The following CIT variants were observed in gnomAD, a reference collection of about 807,000 sequenced individuals.
The protein encoded by CIT is citron rho-interacting serine/threonine kinase.
Under a neutral mutation model 272.7 loss-of-function variants are expected in CIT, and 79 were observed. The observed-to-expected ratio is 0.29, with a 90% CI of 0.24 to 0.35. CIT has a LOEUF of 0.35. Ranked by LOEUF, CIT falls within the 10% of genes least tolerant of loss-of-function variation. The pLI, the probability that CIT is intolerant of heterozygous loss-of-function variation, is 1.00. For missense variants in CIT, 1,909 were observed against 2,618.3 expected, an observed-to-expected ratio of 0.73 and a Z score of 5.91; for synonymous variants, 948 against 995.6, an observed-to-expected ratio of 0.95 and a Z score of 0.90.
At chr12:119,803,147 T>G in intron 10 of CIT, 59 bp downstream of exon 10, 2 of 239,944 alleles carry the variant, frequency 8.3e-6, no homozygotes. Flanking sequence ...ACCACCACCT[T>G]TGGCTCCAAA....
chr12:119,876,114 G>A lies in CIT; in HGVS notation c.55C>T (p.Pro19Ser), dbSNP rs1002667563. 1.5e-5 allele frequency: 24 copies of A among 1,613,878 alleles called. No homozygotes were observed. Among genetic ancestry groups the A allele is most frequent in the Non-Finnish European group, 1.9e-5 (23 of 1,179,940 alleles). The change falls in exon 2 of 48, where the codon CCC (proline) becomes TCC (serine). Residue 19 changes from proline to serine, a missense_variant. By Grantham distance (74) the Pro-to-Ser change is moderately conservative (BLOSUM62 -1). This residue lies in a region of CIT where 529 missense variants were observed against 549.6 expected (regional missense o/e 0.96). Coordinates refer to ENST00000392521, the MANE Select transcript of CIT (RefSeq NM_001206999.2). ...AGCCTGGAGGCCCGGCTGGCAATGG[G>A]TTCAGCAGCACCAGCATCCAAAGGA... Reference protein sequence around the residue: ...RNPLDAGAAEPIASRASRLNL... With the variant: ...RNPLDAGAAESIASRASRLNL...
At chr12:119,735,843 G>A (rs1005182120) in intron 24 of CIT, among the ~76,000 whole-genome samples, 4 of 152,096 alleles carry the variant, frequency 2.6e-5, no homozygotes, top group African/African-American at 9.7e-5. Context: ...GACGCCAGGA[G>A]TTATTTCGAT....
rs201012524 is a variant in CIT at position 119,710,405 on chromosome 12, G to A, written c.4936-19C>T. The stretch of plus-strand genomic sequence containing the variant: ...ACACCACCTGCAAGGGCAGAAGTCC[G>A]AAGGCAGAACATAAGCACGGTCACG... On this transcript the variant is annotated intron_variant, in intron 38 of 47. Coordinates refer to ENST00000392521, the MANE Select transcript of CIT (RefSeq NM_001206999.2). This position sits in a 1 kb window ranked among gnomAD's most constrained non-coding sequence, Gnocchi z 5.6. 260 of 1,614,020 alleles carry A rather than the reference G, an allele frequency of 1.6e-4. No homozygotes were observed. In the African/African-American group the frequency reaches 2.4e-3, roughly 15 times the overall value.
At chr12:119,849,291 G>T (rs1023861264) in intron 5 of CIT, among the ~76,000 whole-genome samples, 1 of 152,108 alleles carries the variant, frequency 6.6e-6, no homozygotes, top group Admixed American at 6.5e-5. Context: ...GTTGGGCGTG[G>T]TGACACGTGC....
Position 119,857,533 on chromosome 12 carries a change from G to A in CIT, c.404C>T (p.Ala135Val). 1 of 1,613,998 alleles carries A rather than the reference G, an allele frequency of 6.2e-7. No homozygotes were observed. Among genetic ancestry groups the A allele is most frequent in the Non-Finnish European group, 8.5e-7 (1 of 1,179,966 alleles). The change falls in exon 4 of 48, where the codon GCC (alanine) becomes GTC (valine). Residue 135 changes from alanine to valine, a missense_variant. By Grantham distance (64) the Ala-to-Val change is moderately conservative. This residue lies in a region of CIT where 529 missense variants were observed against 549.6 expected (regional missense o/e 0.96). Transcript: ENST00000392521. ...TTAAAATCCTCCTACCTGCTCCTGG[G>A]CCAATAAAGCCTTCTTCTTCATCAC... ...MKVMKKKALL[A>V]QEQVSFFEEE...
intron 13 of CIT, 37 bp downstream of exon 13, chr12:119,782,481 C>A: frequency 6.2e-7 from 1 of 1,607,428 alleles, no homozygotes; most frequent in Non-Finnish European, 8.5e-7. Flanking sequence ...TCCAAGCAAG[C>A]CGAGATGCTG....
chr12:119,782,686 G>A, intron 12 of CIT, 49 bp from the exon 13 acceptor site: 1 of 1,606,614 alleles, frequency 6.2e-7, no homozygotes, highest in Non-Finnish European at 8.5e-7. Flanking sequence ...ATCCTGCTTT[G>A]TTTGAAAAGA....
Position 119,701,905 on chromosome 12 carries a change from G to A in CIT, c.5358C>T (p.Ile1786=), listed in dbSNP as rs1461028100. The A allele has an allele frequency of 8.1e-6, 13 of 1,614,076 alleles. No individual in the cohort carries two copies. Among genetic ancestry groups the A allele is most frequent in the Non-Finnish European group, 1.1e-5 (13 of 1,179,976 alleles). The change falls in exon 42 of 48, where the codon ATC becomes ATT. Residue 1786 remains isoleucine (I), a synonymous_variant. Transcript: ENST00000392521. ...CSCIHFTNYS[I]LIGTNKFYEI... is the part of the protein sequence containing the mutation. ...CGTAGAATTTATTGGTTCCAATGAG[G>A]ATACTGTAATTGGTGAAGTGGATAC...
intron 7 of CIT, among the ~76,000 whole-genome samples, chr12:119,831,738 G>A (rs1385964762): frequency 6.6e-6 from 1 of 152,116 alleles, no homozygotes; most frequent in Non-Finnish European, 1.5e-5. Context: ...GCATGGTGGC[G>A]GGCGCTTGCA....
chr12:119,755,009 G>A (rs1367840357), intron 22 of CIT, among the ~76,000 whole-genome samples: 1 of 152,160 alleles, frequency 6.6e-6, no homozygotes, highest in Non-Finnish European at 1.5e-5. Context: ...CCGTGATCTT[G>A]CTGTTAAACT....
chr12:119,767,256 A>G, intron 18 of CIT, 74 bp from the exon 19 acceptor site: 1 of 1,175,214 alleles, frequency 8.5e-7, no homozygotes. Flanking sequence ...CATTCACAGG[A>G]AACATGACTT....
At chr12:119,779,384 TAC>T (rs1235120726) in intron 13 of CIT, among the ~76,000 whole-genome samples, 1 of 152,166 alleles carries the variant, frequency 6.6e-6, no homozygotes, top group African/African-American at 2.4e-5. Flanking sequence ...AATTAAAAAT[TAC>T]ATTTTACAGT....
At chr12:119,762,053 A>G (rs976232015) in intron 19 of CIT, among the ~76,000 whole-genome samples, 3 of 152,238 alleles carry the variant, frequency 2.0e-5, no homozygotes, top group Non-Finnish European at 4.4e-5. Context: ...GATCCTGGGA[A>G]TAAAGCTGAA....
chr12:119,748,205 G>A (rs556529658), intron 23 of CIT, among the ~76,000 whole-genome samples: 1 of 152,230 alleles, frequency 6.6e-6, no homozygotes, highest in South Asian at 2.1e-4. Context: ...GGGAAACCCA[G>A]GAGTCCACAG....
At position 119,743,594 on chromosome 12, in the gene CIT, C is replaced by T. The variant is rs78804429; in HGVS notation, c.2905-1130G>A. 3.0e-3 allele frequency among the ~76,000 whole-genome samples: 461 copies of T among 152,212 alleles called. 1 individual carries two copies. The highest frequency in any genetic ancestry group is 6.8e-3 in the Middle Eastern group (2 of 294). On this transcript the variant is annotated intron_variant, in intron 23 of 47. Transcript: ENST00000392521. The stretch of plus-strand genomic sequence containing the variant: ...ATCAGAATGTGCCTTGAGGAGTAAA[C>T]ATGAGGTCTGTTATAGGAAACTTCT...
chr12:119,765,392 A>T lies in CIT; in HGVS notation c.2304+1695T>A, dbSNP rs1292153715. On this transcript the variant is annotated intron_variant, in intron 19 of 47. Transcript: ENST00000392521. ...TTATATATAATATAATATATATTAT[A>T]ATATATATTATATAACATATATATA... Among the ~76,000 whole-genome samples, 6 of 145,764 alleles carry T rather than the reference A, an allele frequency of 4.1e-5. No individual in the cohort carries two copies. In the East Asian group the frequency reaches 1.2e-3, roughly 28 times the overall value.
In CIT at chr12:119,768,485, TATAGG is replaced by T. The variant is rs1962719683; in HGVS notation, c.2209-1308_2209-1304del. Among the ~76,000 whole-genome samples the T allele has an allele frequency of 6.6e-6, 1 of 152,214 alleles. No homozygotes were observed. The stretch of plus-strand genomic sequence containing the variant: ...AGGGTTTTGAAGAATGAGGAAATTA[TATAGG>T]ATATGTTCATAAAATGGAGGTGAAA... On this transcript the variant is annotated intron_variant, in intron 18 of 47. Coordinates refer to ENST00000392521, the MANE Select transcript of CIT (RefSeq NM_001206999.2). The surrounding 1 kb of genome is among the most constrained non-coding windows in gnomAD (Gnocchi z 4.3).
chr12:119,777,203 C>T (rs4767843), intron 13 of CIT, among the ~76,000 whole-genome samples: 69,912 of 150,766 alleles, frequency 0.46, 16,566 homozygotes, highest in Admixed American at 0.57. Context: ...TGCAGTGAGC[C>T]GAGATCGCGC....
Position 119,803,347 on chromosome 12 carries a change from G to A in CIT, c.1154C>T (p.Thr385Ile), listed in dbSNP as rs1205822527. Residue 385 changes from threonine to isoleucine, a missense_variant, in exon 10 of 48, where the codon ACC (threonine) becomes ATC (isoleucine). Thr to Ile is a moderately conservative substitution (Grantham distance 89, BLOSUM62 -1). Coordinates refer to ENST00000392521, the MANE Select transcript of CIT (RefSeq NM_001206999.2). Reference protein sequence around the residue: ...FVPTLKSDDDTSNFDEPEKNS... With the variant: ...FVPTLKSDDDISNFDEPEKNS... ...CTTCTCTGGTTCATCAAAATTGGAG[G>A]TGTCATCGTCAGACTTGAGGGTGGG... 3.7e-6 allele frequency: 6 copies of A among 1,604,474 alleles called. No individual in the cohort carries two copies. The East Asian group carries it at 1.1e-4, about 31-fold the overall frequency.
Sources: gnomAD v4.1 joint callset for allele counts (sites outside exome capture counted in the v4.1 genomes callset) on GRCh38, gnomAD v4.1.1 for gene constraint, gnomAD v4.1.1 regional missense constraint, Gnocchi (gnomAD v3.1) non-coding constraint, MANE v1.5 for transcripts, NCBI Gene and HGNC (gene_info 2026-07-23, HGNC 2026-07-21) for gene names.